Variants in TMEM130 observed in about 807,000 individuals in gnomAD.
TMEM130 encodes transmembrane protein 130.
In TMEM130, 37 loss-of-function variants were observed where a neutral mutation model predicts 42.9. That is an observed-to-expected ratio of 0.86 (90% confidence interval 0.66 to 1.13). The LOEUF is 1.13. TMEM130 is among the 50% of genes most tolerant of loss of function. The probability of loss-of-function intolerance (pLI) is 0.00; values close to 1 mark genes in which losing one functional copy is unlikely to be tolerated. For missense variants in TMEM130, 545 were observed against 562.6 expected, an observed-to-expected ratio of 0.97 and a Z score of 0.32; for synonymous variants, 259 against 237.7, an observed-to-expected ratio of 1.09 and a Z score of -0.82.
intron 6 of TMEM130, among the ~76,000 whole-genome samples, chr7:98,850,411 G>A (rs1794473260): frequency 6.6e-6 from 1 of 150,730 alleles, no homozygotes; most frequent in African/African-American, 2.4e-5. Context: ...CTGCGTAGCT[G>A]GGATTACAGA....
At chr7:98,850,238 C>G (rs1381546509) in intron 6 of TMEM130, among the ~76,000 whole-genome samples, 1 of 116,120 alleles carries the variant, frequency 8.6e-6, no homozygotes, top group Non-Finnish European at 1.8e-5. Context: ...CTCTCTCTCT[C>G]TCTGTCTCTC....
Position 98,847,673 on chromosome 7 carries a change from A to T in TMEM130, c.*383T>A. 5.9e-6 allele frequency: 1 copy of T among 169,208 alleles called. No individual in the cohort carries two copies. Among genetic ancestry groups the T allele is most frequent in the Non-Finnish European group, 1.3e-5 (1 of 79,568 alleles). The allele number at this position is 169,208 out of a possible 1,614,324, so 10.5% of individuals were successfully genotyped here. A position where few individuals can be genotyped will look rare whatever the true frequency, so the allele number is the denominator to read the frequency against. The stretch of plus-strand genomic sequence containing the variant: ...CAGGTAGGGCTGTCTGGGGGAGGAA[A>T]CTGAGAACCCCCAATGGACAGCAGA... On this transcript the variant is annotated 3_prime_UTR_variant, in exon 8 of 8. Coordinates refer to ENST00000339375, the MANE Select transcript of TMEM130 (RefSeq NM_152913.3).
chr7:98,869,679 T>G lies in TMEM130; in HGVS notation c.85+98A>C. The G allele has an allele frequency of 5.4e-6, 5 of 923,768 alleles. No individual in the cohort carries two copies. The highest frequency in any genetic ancestry group is 7.3e-6 in the Non-Finnish European group (5 of 685,038). 57.2% of individuals were successfully genotyped at this position (923,768 alleles called of 1,614,324 possible). On this transcript the variant is annotated intron_variant, in intron 1 of 7. Coordinates refer to ENST00000339375, the MANE Select transcript of TMEM130 (RefSeq NM_152913.3). The surrounding 1 kb of genome is among the most constrained non-coding windows in gnomAD (Gnocchi z 4.7). The stretch of plus-strand genomic sequence containing the variant: ...TGCGCGCAGGGCGCACGGTGCCACC[T>G]CCGCAATCCCTGCTCCCGGGCCCAC...
intron 2 of TMEM130, among the ~76,000 whole-genome samples, chr7:98,861,925 A>T (rs1794778980): frequency 6.6e-6 from 1 of 152,192 alleles, no homozygotes; most frequent in South Asian, 2.1e-4. Flanking sequence ...ATTGGGTTAG[A>T]CAATTCTGTG....
intron 1 of TMEM130, chr7:98,866,459 G>C (rs1416706973): frequency 6.6e-6 from 1 of 152,304 alleles, no homozygotes; most frequent in Non-Finnish European, 1.5e-5. Flanking sequence ...GTGGCACGAT[G>C]ACTGACCCTG....
At chr7:98,858,724 T>A (rs1167701539) in intron 3 of TMEM130, among the ~76,000 whole-genome samples, 2 of 151,940 alleles carry the variant, frequency 1.3e-5, no homozygotes, top group South Asian at 4.2e-4. Flanking sequence ...TAGTGGTGCA[T>A]GCCTGTAATC....
intron 7 of TMEM130, 41 bp from the exon 8 acceptor site, chr7:98,848,249 G>A (rs370757961): frequency 1.6e-5 from 26 of 1,612,456 alleles, no homozygotes; most frequent in Non-Finnish European, 2.2e-5. Context: ...AGCCACCTAT[G>A]ATGAACAAAA....
chr7:98,857,430 T>C (rs1794657865), intron 3 of TMEM130, among the ~76,000 whole-genome samples: 1 of 152,142 alleles, frequency 6.6e-6, no homozygotes, highest in Admixed American at 6.5e-5. Context: ...CCAGGCACGA[T>C]GGCTCACCCC....
intron 1 of TMEM130, among the ~76,000 whole-genome samples, chr7:98,864,674 G>C (rs782489470): frequency 6.6e-6 from 1 of 151,888 alleles, no homozygotes; most frequent in African/African-American, 2.4e-5. Flanking sequence ...CGAGGTAAGC[G>C]GATTACTTGA....
chr7:98,854,672 G>A (rs1478306467), intron 5 of TMEM130, among the ~76,000 whole-genome samples: 3 of 152,198 alleles, frequency 2.0e-5, no homozygotes, highest in Non-Finnish European at 4.4e-5. Flanking sequence ...AGGAGGTCAA[G>A]GCTACATTGA....
At chr7:98,862,064 G>A (rs1158872507) in intron 2 of TMEM130, among the ~76,000 whole-genome samples, 2 of 152,152 alleles carry the variant, frequency 1.3e-5, no homozygotes, top group African/African-American at 4.8e-5. Context: ...CCTCATGGTT[G>A]CTCACTTAGC....
intron 7 of TMEM130, 124 bp from the exon 8 acceptor site, chr7:98,848,332 A>T: frequency 8.5e-7 from 1 of 1,176,760 alleles, no homozygotes; most frequent in Non-Finnish European, 1.2e-6. Context: ...CTGGTGGCAG[A>T]GTGCACAGAA....
intron 4 of TMEM130, 56 bp downstream of exon 4, chr7:98,855,961 G>A (rs148162908): frequency 2.8e-4 from 440 of 1,583,082 alleles, no homozygotes; most frequent in Middle Eastern, 4.2e-4. Flanking sequence ...TGATCTGTGC[G>A]TACGGTGACC....
rs559348918 is a variant in TMEM130, at chr7:98,857,046, C to T, written c.552-863G>A. ...AAGCAGTCCTCCCACCTCAGCCTCC[C>T]GAGTAGCTGGGACTACAGGCACGTG... On this transcript the variant is annotated intron_variant, in intron 3 of 7. Transcript: ENST00000339375. Among the ~76,000 whole-genome samples the T allele has an allele frequency of 5.3e-5, 8 of 152,108 alleles. No homozygotes were observed. In the East Asian group the frequency reaches 1.2e-3, roughly 22 times the overall value.
intron 3 of TMEM130, among the ~76,000 whole-genome samples, chr7:98,857,933 G>A (rs369156029): frequency 8.6e-5 from 13 of 151,804 alleles, no homozygotes; most frequent in African/African-American, 2.2e-4. Flanking sequence ...GTACAGACGG[G>A]GTTTTGCCAT....
chr7:98,855,407 C>T (rs1794606546), intron 4 of TMEM130, 83 bp from the exon 5 acceptor site: 3 of 1,269,238 alleles, frequency 2.4e-6, no homozygotes, highest in Admixed American at 2.1e-5. Flanking sequence ...GTGCGACTGC[C>T]ACCCTGTCCT....
intron 7 of TMEM130, 121 bp downstream of exon 7, chr7:98,848,462 C>T (rs1302502614): frequency 1.7e-5 from 14 of 824,374 alleles, no homozygotes; most frequent in East Asian, 5.1e-5. Context: ...CCCCAAGTCC[C>T]GGAGCCTCGC....
chr7:98,851,226 G>A (rs1459030819), intron 6 of TMEM130, among the ~76,000 whole-genome samples, 195 bp downstream of exon 6: 1 of 152,132 alleles, frequency 6.6e-6, no homozygotes, highest in African/African-American at 2.4e-5. Flanking sequence ...GGTGGTGGTG[G>A]TATTGGCAGT....
intron 2 of TMEM130, among the ~76,000 whole-genome samples, chr7:98,862,487 CTTTTTTTTTTTTTT>C (rs57165730): frequency 1.5e-5 from 1 of 65,768 alleles, no homozygotes; most frequent in Non-Finnish European, 2.9e-5. Flanking sequence ...ACAATAATTT[CTTTTTTTTTTTTTT>C]TTTTTTTTTT....
Sources: allele counts gnomAD v4.1 joint callset (sites outside exome capture counted in the v4.1 genomes callset), GRCh38; gene constraint gnomAD v4.1.1; non-coding constraint Gnocchi (gnomAD v3.1); transcripts MANE v1.5; gene names NCBI Gene and HGNC (gene_info 2026-07-23, HGNC 2026-07-21).